The following ARID1B variants were observed in gnomAD, a reference collection of about 807,000 sequenced individuals.
ARID1B encodes AT-rich interaction domain 1B.
ARID1B carries 30 observed loss-of-function variants against 212.3 expected under a neutral mutation model. The ratio of observed to expected loss-of-function variants is 0.14; its 90% confidence interval spans 0.11 to 0.19. The LOEUF is 0.19. Among genes scored for constraint, ARID1B ranks in the 10% least tolerant of loss-of-function variants. The pLI is 1.00. For synonymous variants in ARID1B, 1,402 were observed against 1,301.7 expected, an observed-to-expected ratio of 1.08 and a Z score of -1.66; for missense variants, 2,891 against 3,204.0, an observed-to-expected ratio of 0.90 and a Z score of 2.36.
intron 3 of ARID1B, among the ~76,000 whole-genome samples, chr6:156,926,604 C>A (rs558478086): frequency 6.6e-6 from 1 of 152,154 alleles, no homozygotes; most frequent in Admixed American, 6.5e-5. Context: ...ACACGTCACT[C>A]CACCTTCATC....
At chr6:157,062,725 T>C (rs1327059109) in intron 4 of ARID1B, among the ~76,000 whole-genome samples, 6 of 148,560 alleles carry the variant, frequency 4.0e-5, no homozygotes, top group Admixed American at 6.7e-5. Flanking sequence ...TTTTTTGAGA[T>C]GGAGTTTTGT....
chr6:156,962,021 C>T (rs558473846), intron 4 of ARID1B, among the ~76,000 whole-genome samples: 30 of 152,130 alleles, frequency 2.0e-4, no homozygotes, highest in African/African-American at 7.0e-4. Context: ...ATAGAAAGGC[C>T]GGGCGCGGTG....
At chr6:156,971,190 C>G (rs1407289046) in intron 4 of ARID1B, among the ~76,000 whole-genome samples, 1 of 152,154 alleles carries the variant, frequency 6.6e-6, no homozygotes, top group Non-Finnish European at 1.5e-5. Context: ...CTTGTTTCTG[C>G]TTTTACTTTC....
intron 4 of ARID1B, among the ~76,000 whole-genome samples, chr6:157,083,011 AG>A (rs1784735407): frequency 6.6e-6 from 1 of 152,210 alleles, no homozygotes; most frequent in African/African-American, 2.4e-5. Context: ...CCAGGGTACT[AG>A]GATCCTAATC....
chr6:157,207,804 G>C lies in ARID1B; in HGVS notation c.7032G>C (p.Arg2344=), dbSNP rs2128399524. 6 of 1,549,820 alleles carry C rather than the reference G, an allele frequency of 3.9e-6. No homozygotes were observed. The highest frequency in any genetic ancestry group is 5.2e-6 in the Non-Finnish European group (6 of 1,145,278). Residue 2344 remains arginine (R), a synonymous_variant, in exon 20 of 20, where the codon CGG becomes CGC. Transcript: ENST00000636930. The surrounding 1 kb of genome is among the most constrained non-coding windows in gnomAD (Gnocchi z 8.5). ...NRSEFLLHEG[R]LLDISISAVL... ...CGGAATTCCTTTTGCACGAGGGCCG[G>C]TTGCTGGATATCTCGATATCAGCTG...
At chr6:156,847,870 C>T (rs887261762) in intron 2 of ARID1B, among the ~76,000 whole-genome samples, 7 of 152,154 alleles carry the variant, frequency 4.6e-5, no homozygotes, top group African/African-American at 1.4e-4. Context: ...GAACCCAACT[C>T]GACCTCCTCC....
At chr6:157,057,427 TA>T (rs1156255561) in intron 4 of ARID1B, among the ~76,000 whole-genome samples, 1 of 78,808 alleles carries the variant, frequency 1.3e-5, no homozygotes, top group African/African-American at 3.9e-5. Flanking sequence ...GGTATATATG[TA>T]TATACACACA....
At chr6:157,130,278 T>C (rs1788456212) in intron 6 of ARID1B, among the ~76,000 whole-genome samples, 2 of 152,218 alleles carry the variant, frequency 1.3e-5, no homozygotes, top group East Asian at 3.8e-4. Context: ...TGTGTTATTT[T>C]CCTTAACTAA....
At chr6:156,891,078 T>G (rs1787887807) in intron 2 of ARID1B, among the ~76,000 whole-genome samples, 1 of 152,188 alleles carries the variant, frequency 6.6e-6, no homozygotes, top group African/African-American at 2.4e-5. Flanking sequence ...TTTATTACCT[T>G]CTAGCACATT....
At chr6:157,046,092 T>A (rs1043720509) in intron 4 of ARID1B, among the ~76,000 whole-genome samples, 3 of 152,246 alleles carry the variant, frequency 2.0e-5, no homozygotes, top group Admixed American at 1.3e-4. Context: ...AAATTTGCTT[T>A]ATTTTTATTT....
intron 7 of ARID1B, among the ~76,000 whole-genome samples, chr6:157,137,479 AAGAG>A (rs1328377422): frequency 1.3e-5 from 2 of 152,226 alleles, no homozygotes; most frequent in African/African-American, 4.8e-5. Flanking sequence ...GTATGGGAAA[AAGAG>A]AGCTAAAATC....
intron 1 of ARID1B, among the ~76,000 whole-genome samples, chr6:156,805,564 T>C (rs934800729): frequency 1.3e-5 from 2 of 152,186 alleles, no homozygotes; most frequent in African/African-American, 4.8e-5. Context: ...CTCTCTCTGC[T>C]CTCAGAGGGC....
chr6:156,913,157 TC>T (rs1790040696), intron 3 of ARID1B, among the ~76,000 whole-genome samples: 3 of 151,890 alleles, frequency 2.0e-5, no homozygotes, highest in African/African-American at 7.2e-5. Flanking sequence ...ATACATTACC[TC>T]ACATAGTTAC....
chr6:157,198,590 C>T (rs1395103617), intron 16 of ARID1B: 3 of 533,496 alleles, frequency 5.6e-6, no homozygotes, highest in African/African-American at 1.9e-5. Flanking sequence ...AGCCAACAGC[C>T]CAAACTAGGA....
chr6:157,206,773 G>C lies in ARID1B; in HGVS notation c.6001G>C (p.Asp2001His), dbSNP rs1288189434. The C allele has an allele frequency of 6.2e-7, 1 of 1,613,678 alleles. No individual in the cohort carries two copies. Among genetic ancestry groups the C allele is most frequent in the Non-Finnish European group, 8.5e-7 (1 of 1,180,018 alleles). The change falls in exon 20 of 20, where the codon GAT (aspartate) becomes CAT (histidine). Residue 2001 changes from aspartate (D) to histidine (H), a missense_variant. By Grantham distance (81) the Asp-to-His change is moderately conservative. This residue lies in a region of ARID1B where 332 missense variants were observed against 369.2 expected (regional missense o/e 0.90). Transcript: ENST00000636930. This position sits in a 1 kb window ranked among gnomAD's most constrained non-coding sequence, Gnocchi z 6.8. ...QQEKSIIATI[D>H]DVLSARPGAL... is the part of the protein sequence containing the mutation. Reference sequence around the variant, plus strand: ...AGAGAAAAGCATCATAGCAACCATCGATGACGTCCTCTCTGCTCGGCCAGG... The same window carrying C: ...AGAGAAAAGCATCATAGCAACCATCCATGACGTCCTCTCTGCTCGGCCAGG...
At chr6:157,004,729 G>C (rs900003429) in intron 4 of ARID1B, among the ~76,000 whole-genome samples, 1 of 151,982 alleles carries the variant, frequency 6.6e-6, no homozygotes, top group African/African-American at 2.4e-5. Context: ...TTTTATTGCC[G>C]GTGTTAGGGG....
intron 4 of ARID1B, among the ~76,000 whole-genome samples, chr6:156,967,096 G>A (rs951525452): frequency 5.9e-5 from 9 of 152,064 alleles, no homozygotes; most frequent in Admixed American, 3.9e-4. Flanking sequence ...TGTTGATAAC[G>A]CTGTCTTACT....
Position 156,837,964 on chromosome 6 carries a change from GC to G in ARID1B, c.1986+8547del, listed in dbSNP as rs1459924256. Among the ~76,000 whole-genome samples, 9 of 152,218 alleles carry G rather than the reference GC, an allele frequency of 5.9e-5. No homozygotes were observed. The East Asian group carries it at 9.7e-4, about 16-fold the overall frequency. On this transcript the variant is annotated intron_variant, in intron 2 of 19. Coordinates refer to ENST00000636930, the MANE Select transcript of ARID1B (RefSeq NM_001374828.1). ...CAAACATCCCTTGCCTGCTTAAATA[GC>G]CCCAATCCAAAATTTTGGTCACTAG...
At chr6:156,901,728 A>G in intron 3 of ARID1B, 1 of 686,556 alleles carries the variant, frequency 1.5e-6, no homozygotes, top group Non-Finnish European at 2.4e-6. Flanking sequence ...GAGAAGAATG[A>G]CTGGTTTAAT....
Sources: gnomAD v4.1 joint callset for allele counts (sites outside exome capture counted in the v4.1 genomes callset) on GRCh38, gnomAD v4.1.1 for gene constraint, gnomAD v4.1.1 regional missense constraint, Gnocchi (gnomAD v3.1) non-coding constraint, MANE v1.5 for transcripts, NCBI Gene and HGNC (gene_info 2026-07-23, HGNC 2026-07-21) for gene names.